DPP6: variants seen among roughly 807,000 people sequenced by gnomAD.
DPP6 encodes the protein A-type potassium channel modulatory protein DPP6.
DPP6 carries 69 observed loss-of-function variants against 122.6 expected under a neutral mutation model. The observed-to-expected ratio is 0.56, with a 90% CI of 0.46 to 0.69. DPP6 has a LOEUF of 0.69. DPP6 is among the 30% of genes least tolerant of loss of function. The pLI is 0.00. For missense variants in DPP6, 928 were observed against 1,116.9 expected, an observed-to-expected ratio of 0.83 and a Z score of 2.41; for synonymous variants, 418 against 433.1, an observed-to-expected ratio of 0.97 and a Z score of 0.43.
In DPP6 at chr7:154,892,641, C is replaced by T; in HGVS notation, c.*161C>T. On this transcript the variant is annotated 3_prime_UTR_variant, in exon 26 of 26. Transcript: ENST00000377770. ...GCGGAAGGCAGTTTTGCTTGGGAAA[C>T]AAGCTCCTTCCCCGGGGTCATCACT... The T allele has an allele frequency of 7.1e-7, 1 of 1,407,432 alleles. No homozygotes were observed. 87.2% of individuals were successfully genotyped at this position (1,407,432 alleles called of 1,614,324 possible).
intron 1 of DPP6, among the ~76,000 whole-genome samples, chr7:154,379,126 A>T (rs769865284): frequency 7.2e-5 from 11 of 152,230 alleles, no homozygotes; most frequent in Admixed American, 1.3e-4. Context: ...GGGACACAAC[A>T]TTCAGTCCAT....
intron 1 of DPP6, among the ~76,000 whole-genome samples, chr7:153,931,859 T>C (rs1359236855): frequency 6.6e-6 from 1 of 152,210 alleles, no homozygotes; most frequent in Admixed American, 6.5e-5. Context: ...TTTGGTGCCT[T>C]AATTTGCATC....
chr7:153,948,328 C>A lies in DPP6; in HGVS notation c.51+60594C>A, dbSNP rs906759469. Reference sequence around the variant, plus strand: ...CTGTTGTTTTATTTGGAAAATGAAGCATTGTTATGTACGGGTGAGAGAGAG... The same window carrying A: ...CTGTTGTTTTATTTGGAAAATGAAGAATTGTTATGTACGGGTGAGAGAGAG... On this transcript the variant is annotated intron_variant, in intron 1 of 25. Coordinates refer to the DPP6 transcript ENST00000404039. 4.6e-5 allele frequency among the ~76,000 whole-genome samples: 7 copies of A among 152,090 alleles called. No homozygotes were observed. The South Asian group carries it at 1.5e-3, about 32-fold the overall frequency.
At chr7:154,888,821 T>C (rs1377163221) in intron 23 of DPP6, among the ~76,000 whole-genome samples, 1 of 152,222 alleles carries the variant, frequency 6.6e-6, no homozygotes. Context: ...CAGTTCCACA[T>C]GGCTGGGGAA....
chr7:153,972,589 G>GC (rs371932928), intron 1 of DPP6, among the ~76,000 whole-genome samples: 2,058 of 147,040 alleles, frequency 0.014, 44 homozygotes, highest in African/African-American at 0.049. Flanking sequence ...CTTCTAAGGA[G>GC]CTGAGGGGCA....
In DPP6 at chr7:154,483,539, T is replaced by G. The variant is rs1586415341; in HGVS notation, c.457+8502T>G. ...AGAAGCAAAGCAACTATCTGATTGG[T>G]TACAGTTATGGAGTTGCCTTATTTG... On this transcript the variant is annotated intron_variant, in intron 3 of 25. Coordinates refer to ENST00000377770, the MANE Select transcript of DPP6 (RefSeq NM_130797.4). This position sits in a 1 kb window ranked among gnomAD's most constrained non-coding sequence, Gnocchi z 8.1. Among the ~76,000 whole-genome samples, 1 of 152,228 alleles carries G rather than the reference T, an allele frequency of 6.6e-6. No individual in the cohort carries two copies. Among genetic ancestry groups the G allele is most frequent in the East Asian group, 1.9e-4 (1 of 5,202 alleles).
chr7:153,921,476 C>T (rs1449568918), intron 1 of DPP6, among the ~76,000 whole-genome samples: 2 of 152,178 alleles, frequency 1.3e-5, no homozygotes, highest in Non-Finnish European at 2.9e-5. Flanking sequence ...GCACATAACT[C>T]ATAACATTTT....
chr7:154,793,831 C>G, intron 10 of DPP6: 1 of 455,702 alleles, frequency 2.2e-6, no homozygotes, highest in South Asian at 3.6e-5. Flanking sequence ...CAGCCACACG[C>G]AGTGACATGC....
intron 1 of DPP6, among the ~76,000 whole-genome samples, chr7:154,071,280 T>C (rs2907735): frequency 1.3e-5 from 2 of 152,158 alleles, no homozygotes; most frequent in African/African-American, 4.8e-5. Flanking sequence ...TCTTTATCCC[T>C]GGAATAACCT....
At chr7:154,505,277 A>C (rs1274135098) in intron 3 of DPP6, among the ~76,000 whole-genome samples, 1 of 152,214 alleles carries the variant, frequency 6.6e-6, no homozygotes, top group African/African-American at 2.4e-5. Flanking sequence ...CATATATAGC[A>C]AAGTTGCAAA....
intron 7 of DPP6, among the ~76,000 whole-genome samples, chr7:154,699,617 G>A (rs1489410300): frequency 6.6e-6 from 1 of 152,224 alleles, no homozygotes; most frequent in East Asian, 1.9e-4. Context: ...GCCGCCCCCA[G>A]ACAGCCGGGC....
intron 12 of DPP6, chr7:154,796,218 T>A: frequency 3.7e-6 from 1 of 272,010 alleles, no homozygotes. Context: ...CTTAACATAA[T>A]CTACTATAGT....
At chr7:153,788,463 C>T in the DPP6 span, among the ~76,000 whole-genome samples, 333 of 152,256 alleles carry the variant, frequency 2.2e-3, 2 homozygotes, top group Non-Finnish European at 4.0e-3. Context: ...GTTTCATTGC[C>T]CACTTTATGC....
Position 154,386,877 on chromosome 7 carries a change from G to A in DPP6, c.244-59337G>A, listed in dbSNP as rs191905137. The stretch of plus-strand genomic sequence containing the variant: ...CCCGTGGGTGAGCCTGGAAATAAAA[G>A]TGCATGGAGCCAGGCTGTGGATGAC... On this transcript the variant is annotated intron_variant, in intron 1 of 25. Transcript: ENST00000377770. 2.5e-3 allele frequency among the ~76,000 whole-genome samples: 375 copies of A among 152,292 alleles called. 2 individuals carry two copies. Among genetic ancestry groups the A allele is most frequent in the Non-Finnish European group, 4.3e-3 (291 of 68,030 alleles).
chr7:154,761,167 C>T (rs1269990885), intron 8 of DPP6, among the ~76,000 whole-genome samples: 9 of 152,258 alleles, frequency 5.9e-5, no homozygotes, highest in East Asian at 1.9e-4. Flanking sequence ...TTGAGCTCAG[C>T]GATCTAAAAT....
intron 1 of DPP6, among the ~76,000 whole-genome samples, chr7:154,073,636 A>G (rs1803291667): frequency 2.0e-5 from 3 of 152,272 alleles, no homozygotes; most frequent in Non-Finnish European, 4.4e-5. Flanking sequence ...TGCAATGTGT[A>G]AAGGCCAAGA....
At chr7:154,050,677 A>C (rs1374591951), upstream of DPP6, among the ~76,000 whole-genome samples, 4 of 151,372 alleles carry the variant, frequency 2.6e-5, no homozygotes, top group Non-Finnish European at 5.9e-5. Context: ...CTGTCTTCAA[A>C]GTCAAATGGA....
chr7:154,561,334 T>C (rs1830414104), intron 4 of DPP6, among the ~76,000 whole-genome samples: 1 of 152,138 alleles, frequency 6.6e-6, no homozygotes, highest in Non-Finnish European at 1.5e-5. Context: ...TTCACCAGAG[T>C]AGACTATATG....
chr7:154,820,725 A>G (rs1799707422), intron 16 of DPP6, among the ~76,000 whole-genome samples: 1 of 152,202 alleles, frequency 6.6e-6, no homozygotes, highest in Admixed American at 6.5e-5. Flanking sequence ...CTCTTGGTAG[A>G]GGCTTTAGAA....
Sources: gnomAD v4.1 joint callset for allele counts (sites outside exome capture counted in the v4.1 genomes callset) on GRCh38, gnomAD v4.1.1 for gene constraint, Gnocchi (gnomAD v3.1) non-coding constraint, MANE v1.5 for transcripts, NCBI Gene and HGNC (gene_info 2026-07-23, HGNC 2026-07-21) for gene names.